The following PPP2R2C variants were observed in gnomAD, a reference collection of about 807,000 sequenced individuals.
PPP2R2C encodes protein phosphatase 2, regulatory subunit B, gamma.
A neutral mutation model predicts 45.3 loss-of-function variants in PPP2R2C; 10 were observed. The observed-to-expected ratio is 0.22, with a 90% confidence interval of 0.14 to 0.37. The LOEUF is 0.37. Among genes scored for constraint, PPP2R2C ranks in the 10% least tolerant of loss-of-function variants. The pLI is 1.00. For missense variants in PPP2R2C, 308 were observed against 619.7 expected (o/e 0.50, Z 5.34); for synonymous variants, 257 against 245.4 (o/e 1.05, Z -0.44).
intron 2 of PPP2R2C, among the ~76,000 whole-genome samples, chr4:6,477,820 C>T (rs896621352): frequency 1.3e-5 from 2 of 151,936 alleles, no homozygotes; most frequent in South Asian, 4.2e-4. Context: ...CCCACGCCTT[C>T]ACCCCCCACA....
chr4:6,524,336 C>T (rs1301256966), intron 2 of PPP2R2C, among the ~76,000 whole-genome samples: 1 of 152,192 alleles, frequency 6.6e-6, no homozygotes, highest in African/African-American at 2.4e-5. Context: ...ATGCACTGTC[C>T]AGAACAGGCA....
chr4:6,562,787 G>A (rs1725621179), intron 1 of PPP2R2C, among the ~76,000 whole-genome samples: 1 of 152,170 alleles, frequency 6.6e-6, no homozygotes, highest in Non-Finnish European at 1.5e-5. Flanking sequence ...GGCGAAGCTA[G>A]GATTCAATCC....
At chr4:6,491,206 G>A (rs1722690095) in intron 2 of PPP2R2C, among the ~76,000 whole-genome samples, 2 of 152,178 alleles carry the variant, frequency 1.3e-5, no homozygotes, top group African/African-American at 2.4e-5. Flanking sequence ...ATTGTTGGGT[G>A]AATTTGTGGA....
chr4:6,460,960 C>A (rs897470112), intron 1 of PPP2R2C, among the ~76,000 whole-genome samples: 2 of 152,136 alleles, frequency 1.3e-5, no homozygotes, highest in African/African-American at 4.8e-5. Flanking sequence ...CACTCCACCC[C>A]ACCCCACACA....
At position 6,392,386 on chromosome 4, in the gene PPP2R2C, G is replaced by A. The variant is rs755740891; in HGVS notation, c.71-11292C>T. ...ATTTTCATGTCAATAAATAGCTCTTGGAGGGAGATATAAGGGCTAAGATGA... is the reference window on the plus strand; with the variant it reads ...ATTTTCATGTCAATAAATAGCTCTTAGAGGGAGATATAAGGGCTAAGATGA... On this transcript the variant is annotated intron_variant, in intron 1 of 8. Coordinates refer to ENST00000382599, the MANE Select transcript of PPP2R2C (RefSeq NM_020416.4). 8.5e-5 allele frequency among the ~76,000 whole-genome samples: 13 copies of A among 152,110 alleles called. No homozygotes were observed. The East Asian group carries it at 2.5e-3, about 29-fold the overall frequency.
At chr4:6,404,712 G>A (rs1365395671) in intron 1 of PPP2R2C, among the ~76,000 whole-genome samples, 1 of 152,206 alleles carries the variant, frequency 6.6e-6, no homozygotes, top group African/African-American at 2.4e-5. Flanking sequence ...GGAGGCAGGT[G>A]CCCATGAGGA....
Position 6,375,723 on chromosome 4 carries a change from C to T in PPP2R2C, c.447+96G>A, listed in dbSNP as rs577419463. 4.3e-5 allele frequency: 47 copies of T among 1,103,712 alleles called. No individual in the cohort carries two copies. In the African/African-American group the frequency reaches 6.3e-4, roughly 15 times the overall value. The allele number at this position is 1,103,712 out of a possible 1,614,324, so 68.4% of individuals were successfully genotyped here. ...GCCAGCAGCCCAACCAGGGTCTGCA[C>T]CTGACTCTGGCTCAAATCTCAAAGG... is the stretch of plus-strand genomic sequence containing the variant. On this transcript the variant is annotated intron_variant, in intron 4 of 8. Transcript: ENST00000382599.
Position 6,539,024 on chromosome 4 carries a change from C to T in PPP2R2C, c.-58-3647G>A, listed in dbSNP as rs565559956. ...CCTAAAATCTGCATGCTGCAGTCTT[C>T]ACCCCTAGAACCTCAGGATGTGATC... is the stretch of plus-strand genomic sequence containing the variant. On this transcript the variant is annotated intron_variant, in intron 1 of 9. Transcript: ENST00000506140. Among the ~76,000 whole-genome samples the T allele has an allele frequency of 6.6e-5, 10 of 152,280 alleles. No individual in the cohort carries two copies. The South Asian group carries it at 2.1e-3, about 32-fold the overall frequency.
At chr4:6,358,220 A>T (rs940252504) in intron 5 of PPP2R2C, among the ~76,000 whole-genome samples, 5 of 152,348 alleles carry the variant, frequency 3.3e-5, no homozygotes, top group African/African-American at 1.2e-4. Flanking sequence ...AACCTGACAA[A>T]AACAAGAAAT....
At chr4:6,558,734 C>T (rs1453252846) in intron 1 of PPP2R2C, among the ~76,000 whole-genome samples, 2 of 152,118 alleles carry the variant, frequency 1.3e-5, no homozygotes, top group Non-Finnish European at 2.9e-5. Flanking sequence ...ACACCCCACT[C>T]AACATGGAGC....
At chr4:6,394,561 G>C (rs1348290348) in intron 1 of PPP2R2C, among the ~76,000 whole-genome samples, 1 of 152,244 alleles carries the variant, frequency 6.6e-6, no homozygotes, top group African/African-American at 2.4e-5. Flanking sequence ...CTAAGTCTCA[G>C]TTTTCCCATT....
intron 1 of PPP2R2C, among the ~76,000 whole-genome samples, chr4:6,466,608 T>C (rs1721608213): frequency 6.6e-6 from 1 of 151,618 alleles, no homozygotes; most frequent in Non-Finnish European, 1.5e-5. Flanking sequence ...CTCACAGGAG[T>C]TCACTCTCCT....
chr4:6,554,887 A>AAAGGAAGGAAGGAAGGAAGGAAGG (rs1185835295), intron 1 of PPP2R2C, among the ~76,000 whole-genome samples: 7 of 106,066 alleles, frequency 6.6e-5, no homozygotes, highest in Admixed American at 2.3e-4. Flanking sequence ...AAAGAAAAAG[A>AAAGGAAGGAAGGAAGGAAGGAAGG]AAGGAAGGAA....
Position 6,472,380 on chromosome 4 carries a change from ACGGGCGGGGGCGGCCGGGGG to A in PPP2R2C, c.-171_-152del. ...GAAGGGAGGGCATCGCGGCAGGGGG[ACGGGCGGGGGCGGCCGGGGG>A]CGGGCGCCGCGGTCAAGCGAGCGCG... On this transcript the variant is annotated 5_prime_UTR_variant, in exon 1 of 9. Coordinates refer to ENST00000382599, the MANE Select transcript of PPP2R2C (RefSeq NM_020416.4). The A allele has an allele frequency of 3.0e-6, 3 of 985,174 alleles. No individual in the cohort carries two copies. The highest frequency in any genetic ancestry group is 3.7e-6 in the Non-Finnish European group (3 of 816,928). The allele number at this position is 985,174 out of a possible 1,614,324, so 61.0% of individuals were successfully genotyped here.
At chr4:6,495,711 C>T (rs1010792226) in intron 2 of PPP2R2C, among the ~76,000 whole-genome samples, 3 of 152,210 alleles carry the variant, frequency 2.0e-5, no homozygotes, top group Admixed American at 6.5e-5. Context: ...GATGCCAAGG[C>T]GCTTTGAAAC....
At chr4:6,408,148 G>C (rs1717922114) in intron 1 of PPP2R2C, among the ~76,000 whole-genome samples, 2 of 152,182 alleles carry the variant, frequency 1.3e-5, no homozygotes, top group African/African-American at 2.4e-5. Context: ...GAGGATGCTG[G>C]AAATTATTGG....
chr4:6,456,306 T>A (rs13149858), intron 1 of PPP2R2C, among the ~76,000 whole-genome samples: 1 of 19,388 alleles, frequency 5.2e-5, no homozygotes, highest in Non-Finnish European at 1.1e-4. Context: ...AGGATGTTAT[T>A]TCCCCCCCCC....
At chr4:6,535,437 G>A (rs760048076) in intron 1 of PPP2R2C, 73 of 1,128,682 alleles carry the variant, frequency 6.5e-5, no homozygotes, top group African/African-American at 5.8e-4. Context: ...CATGCACGCC[G>A]CCACACACCA....
At chr4:6,400,937 T>G (rs938094466) in intron 1 of PPP2R2C, among the ~76,000 whole-genome samples, 1 of 152,146 alleles carries the variant, frequency 6.6e-6, no homozygotes, top group African/African-American at 2.4e-5. Context: ...TGAGGAACAT[T>G]TCAAGGGGTA....
Sources: allele counts gnomAD v4.1 joint callset (sites outside exome capture counted in the v4.1 genomes callset), GRCh38; gene constraint gnomAD v4.1.1; transcripts MANE v1.5; gene names NCBI Gene and HGNC (gene_info 2026-07-23, HGNC 2026-07-21).